The following MYBL2 variants were observed in gnomAD, a reference collection of about 807,000 sequenced individuals.
The protein encoded by MYBL2 is myb-related protein B.
MYBL2 carries 28 observed loss-of-function variants against 79.9 expected under a neutral mutation model. The ratio of observed to expected loss-of-function variants is 0.35; its 90% CI spans 0.26 to 0.48. The LOEUF is 0.48. MYBL2 is among the 20% of genes least tolerant of loss of function. The pLI is 0.99. For missense variants in MYBL2, 735 were observed against 893.9 expected (o/e 0.82, Z 2.27); for synonymous variants, 378 against 361.2 (o/e 1.05, Z -0.53).
At chr20:43,679,926 G>A (rs75215862) in intron 2 of MYBL2, among the ~76,000 whole-genome samples, 1 of 151,104 alleles carries the variant, frequency 6.6e-6, no homozygotes, top group East Asian at 1.9e-4. Flanking sequence ...AAAAAAAAAA[G>A]GATGGAAAAC....
intron 2 of MYBL2, among the ~76,000 whole-genome samples, chr20:43,677,678 G>A (rs1194816929): frequency 2.0e-5 from 3 of 151,012 alleles, no homozygotes; most frequent in African/African-American, 7.3e-5. Flanking sequence ...CTGGGAGGGA[G>A]GTGGGGGGGT....
At chr20:43,685,526 AC>A (rs1409633162) in intron 4 of MYBL2, among the ~76,000 whole-genome samples, 1 of 152,070 alleles carries the variant, frequency 6.6e-6, no homozygotes, top group Non-Finnish European at 1.5e-5. Flanking sequence ...GTTTGAAAAT[AC>A]TTTTTTGGCT....
rs757178299 is a variant in MYBL2, at chr20:43,710,087, G to C, written c.1605+25G>C. ...GGTACGTGGTGTGGTCGCTGCCGTG[G>C]ATCTCTGCACAGTGGGATCCCTTCG... is the stretch of plus-strand genomic sequence containing the variant. On this transcript the variant is annotated intron_variant, in intron 10 of 13. Coordinates refer to ENST00000217026, the MANE Select transcript of MYBL2 (RefSeq NM_002466.4). 118 of 1,563,842 alleles carry C rather than the reference G, an allele frequency of 7.5e-5. No homozygotes were observed. The South Asian group carries it at 8.7e-4, about 12-fold the overall frequency.
chr20:43,672,330 C>G (rs1271294007), intron 1 of MYBL2, among the ~76,000 whole-genome samples: 2 of 7,538 alleles, frequency 2.7e-4, no homozygotes, highest in African/African-American at 5.5e-4. Context: ...TGGTGCACAC[C>G]TGTAATCCAA....
At chr20:43,679,618 A>G (rs1240737631) in intron 2 of MYBL2, among the ~76,000 whole-genome samples, 1 of 151,922 alleles carries the variant, frequency 6.6e-6, no homozygotes. Flanking sequence ...ACAAAACAAA[A>G]AATACCCACC....
At position 43,713,254 on chromosome 20, in the gene MYBL2, G is replaced by A. The variant is rs889635869; in HGVS notation, c.1824+148G>A. ...GGGTGGGTCCGGGCACCCACTCATG[G>A]CTTCAGTCAGCAGCTCTGCTTGTCT... On this transcript the variant is annotated intron_variant, in intron 12 of 13. Transcript: ENST00000217026. 5 of 623,710 alleles carry A rather than the reference G, an allele frequency of 8.0e-6. 1 individual carries two copies. Among genetic ancestry groups the A allele is most frequent in the East Asian group, 2.8e-5 (1 of 36,192 alleles). 38.6% of individuals were successfully genotyped at this position (623,710 alleles called of 1,614,324 possible).
intron 9 of MYBL2, among the ~76,000 whole-genome samples, chr20:43,707,567 A>T (rs1262416732): frequency 6.6e-6 from 1 of 151,620 alleles, no homozygotes. Context: ...TAATTTTTCT[A>T]TTTTTTTGTA....
chr20:43,682,419 C>G (rs1422992680), intron 3 of MYBL2, among the ~76,000 whole-genome samples: 1 of 152,216 alleles, frequency 6.6e-6, no homozygotes, highest in East Asian at 1.9e-4. Context: ...AGATCCTTTC[C>G]TGCCCCATTT....
chr20:43,684,856 A>G (rs1987231586), intron 4 of MYBL2, among the ~76,000 whole-genome samples: 1 of 132,062 alleles, frequency 7.6e-6, no homozygotes, highest in Admixed American at 7.1e-5. Flanking sequence ...AAAAAACACA[A>G]AAGAAAACAC....
At chr20:43,671,692 G>A (rs1600539948) in intron 1 of MYBL2, among the ~76,000 whole-genome samples, 1 of 151,322 alleles carries the variant, frequency 6.6e-6, no homozygotes, top group African/African-American at 2.4e-5. Flanking sequence ...GGCTAGTCTC[G>A]AACTCCCGAC....
chr20:43,670,415 T>C (rs1417085223), intron 1 of MYBL2, among the ~76,000 whole-genome samples: 1 of 152,208 alleles, frequency 6.6e-6, no homozygotes, highest in Non-Finnish European at 1.5e-5. Flanking sequence ...CCGTCCCTCC[T>C]TTCCTATTTC....
rs752740205 is a variant in MYBL2 at position 43,686,857 on chromosome 20, C to T, written c.285C>T (p.Ile95=). The change falls in exon 5 of 14, where the codon ATC becomes ATT. Residue 95 remains isoleucine (I), a synonymous_variant. Transcript: ENST00000217026. ...CCCAGAGACTTTTCTCTAAGGTCATCGAGCTGGTTAAGAAGTATGGCACAA... is the reference window on the plus strand; with the variant it reads ...CCCAGAGACTTTTCTCTAAGGTCATTGAGCTGGTTAAGAAGTATGGCACAA... The part of the protein sequence containing the change: ...PWTKEEDQKV[I]ELVKKYGTKQ... 3.5e-5 allele frequency: 56 copies of T among 1,613,852 alleles called. No individual in the cohort carries two copies. Among genetic ancestry groups the T allele is most frequent in the Middle Eastern group, 1.6e-4 (1 of 6,066 alleles).
intron 9 of MYBL2, 143 bp downstream of exon 9, chr20:43,705,501 T>A: frequency 9.3e-6 from 9 of 967,556 alleles, no homozygotes; most frequent in Non-Finnish European, 1.3e-5. Flanking sequence ...CCCTCTCCTT[T>A]CTGGCCACCA....
intron 6 of MYBL2, among the ~76,000 whole-genome samples, chr20:43,695,462 A>T (rs1987514596): frequency 6.6e-6 from 1 of 151,492 alleles, no homozygotes; most frequent in Non-Finnish European, 1.5e-5. Context: ...TAGAGATAAA[A>T]CTCTTAACAG....
intron 2 of MYBL2, among the ~76,000 whole-genome samples, chr20:43,675,832 T>C (rs1986994785): frequency 1.3e-5 from 2 of 151,990 alleles, no homozygotes; most frequent in South Asian, 2.1e-4. Context: ...GTTTATTATA[T>C]AGGTAAATTG....
At chr20:43,690,196 T>G (rs1341884189) in intron 5 of MYBL2, among the ~76,000 whole-genome samples, 1 of 151,888 alleles carries the variant, frequency 6.6e-6, no homozygotes, top group African/African-American at 2.4e-5. Context: ...TTTTTTGTTT[T>G]TTTTTTTTTG....
intron 2 of MYBL2, among the ~76,000 whole-genome samples, chr20:43,675,822 G>T (rs1400164692): frequency 6.6e-6 from 1 of 151,184 alleles, no homozygotes; most frequent in Non-Finnish European, 1.5e-5. Flanking sequence ...ATATGTGCAG[G>T]TTTATTATAT....
At chr20:43,693,945 G>A (rs1017586169) in intron 6 of MYBL2, among the ~76,000 whole-genome samples, 1 of 152,118 alleles carries the variant, frequency 6.6e-6, no homozygotes, top group Non-Finnish European at 1.5e-5. Flanking sequence ...CTACTTGGGA[G>A]GCTGAGGTGG....
chr20:43,669,871 A>G (rs1032108834), intron 1 of MYBL2, among the ~76,000 whole-genome samples: 47 of 152,196 alleles, frequency 3.1e-4, no homozygotes, highest in African/African-American at 1.1e-3. Flanking sequence ...CATGCCTGTA[A>G]TCCCAGCACT....
Sources: allele counts gnomAD v4.1 joint callset (sites outside exome capture counted in the v4.1 genomes callset), GRCh38; gene constraint gnomAD v4.1.1; transcripts MANE v1.5; gene names NCBI Gene and HGNC (gene_info 2026-07-23, HGNC 2026-07-21).